Variants in NKAIN2 observed in about 807,000 individuals in gnomAD.
The protein encoded by NKAIN2 is sodium/potassium-transporting ATPase subunit beta-1-interacting protein 2.
NKAIN2 carries 14 observed loss-of-function variants against 32.6 expected under a neutral mutation model. That is an observed-to-expected ratio of 0.43 (90% CI 0.28 to 0.67). The LOEUF is 0.67. Among genes scored for constraint, NKAIN2 ranks in the 30% least tolerant of loss-of-function variants. The pLI is 0.17. For missense variants in NKAIN2, 198 were observed against 258.3 expected (o/e 0.77, Z 1.60); for synonymous variants, 80 against 87.2 (o/e 0.92, Z 0.46).
Position 124,475,578 on chromosome 6 carries a change from A to C in NKAIN2, c.273+120231A>C, listed in dbSNP as rs369894951. Among the ~76,000 whole-genome samples, 15 of 152,276 alleles carry C rather than the reference A, an allele frequency of 9.9e-5. No homozygotes were observed. In the East Asian group the frequency reaches 2.9e-3, roughly 29 times the overall value. On this transcript the variant is annotated intron_variant, in intron 3 of 6. Coordinates refer to ENST00000368417, the MANE Select transcript of NKAIN2 (RefSeq NM_001040214.3). ...AAAAATTGTTCAAGAAGGATTGAAA[A>C]CTTAACTGCCATTAGATAAGAAAGT...
At chr6:124,377,463 A>G (rs1800042647) in intron 3 of NKAIN2, among the ~76,000 whole-genome samples, 1 of 152,204 alleles carries the variant, frequency 6.6e-6, no homozygotes, top group Non-Finnish European at 1.5e-5. Context: ...CCAGATGGAC[A>G]TAGCACTGGG....
chr6:124,352,127 T>C (rs1331531645), intron 2 of NKAIN2, among the ~76,000 whole-genome samples: 3 of 152,184 alleles, frequency 2.0e-5, no homozygotes. Context: ...CACTTGAAGA[T>C]AGTCAAAGAG....
At chr6:124,184,955 C>T (rs963590917) in intron 1 of NKAIN2, among the ~76,000 whole-genome samples, 1 of 151,966 alleles carries the variant, frequency 6.6e-6, no homozygotes, top group African/African-American at 2.4e-5. Context: ...CTATTTCTAT[C>T]ATTAGTTGGA....
chr6:124,120,363 T>A (rs1257661792), intron 1 of NKAIN2, among the ~76,000 whole-genome samples: 1 of 152,138 alleles, frequency 6.6e-6, no homozygotes, highest in Non-Finnish European at 1.5e-5. Flanking sequence ...TACCTGATAA[T>A]TGAACCTACT....
At chr6:124,259,033 C>A (rs1017862014) in intron 1 of NKAIN2, among the ~76,000 whole-genome samples, 1 of 152,124 alleles carries the variant, frequency 6.6e-6, no homozygotes, top group African/African-American at 2.4e-5. Flanking sequence ...GTTTCCTGAG[C>A]CCATCTATAT....
At chr6:124,097,401 TAAAAAA>T (rs35090835) in intron 1 of NKAIN2, among the ~76,000 whole-genome samples, 1 of 132,462 alleles carries the variant, frequency 7.5e-6, no homozygotes. Flanking sequence ...GACTTCGTCT[TAAAAAA>T]AAAAAAAAAA....
chr6:124,743,831 G>T (rs1777335285), intron 4 of NKAIN2, among the ~76,000 whole-genome samples: 1 of 151,832 alleles, frequency 6.6e-6, no homozygotes, highest in Admixed American at 6.6e-5. Context: ...ACTCAAGTTT[G>T]CCAGAGAAAA....
At chr6:124,207,650 A>C (rs1411777103) in intron 1 of NKAIN2, among the ~76,000 whole-genome samples, 1 of 151,864 alleles carries the variant, frequency 6.6e-6, no homozygotes, top group African/African-American at 2.4e-5. Flanking sequence ...AAGAATGAGT[A>C]AATGAACTTT....
chr6:124,308,865 TAA>T (rs1389460314), intron 2 of NKAIN2, among the ~76,000 whole-genome samples: 2 of 152,160 alleles, frequency 1.3e-5, no homozygotes, highest in East Asian at 3.8e-4. Flanking sequence ...AAGGATCCAC[TAA>T]AGTTTTCCTT....
chr6:124,479,166 A>G (rs1777348566), intron 3 of NKAIN2, among the ~76,000 whole-genome samples: 1 of 152,166 alleles, frequency 6.6e-6, no homozygotes, highest in African/African-American at 2.4e-5. Flanking sequence ...GCCTGGGGAG[A>G]TAGGACAACT....
intron 4 of NKAIN2, among the ~76,000 whole-genome samples, chr6:124,754,385 C>T (rs1034846154): frequency 1.5e-4 from 23 of 151,902 alleles, no homozygotes; most frequent in African/African-American, 4.8e-4. Flanking sequence ...ATCTGCTGGT[C>T]GTTGAGTAAA....
At chr6:124,713,737 A>C (rs1260493214) in intron 4 of NKAIN2, among the ~76,000 whole-genome samples, 5 of 152,238 alleles carry the variant, frequency 3.3e-5, no homozygotes, top group Non-Finnish European at 5.9e-5. Flanking sequence ...TTTACTCTCT[A>C]TAACTCTAGA....
At chr6:124,125,898 TCA>T (rs1786140548) in intron 1 of NKAIN2, among the ~76,000 whole-genome samples, 2 of 152,302 alleles carry the variant, frequency 1.3e-5, no homozygotes, top group East Asian at 3.9e-4. Flanking sequence ...AAGCCACTTG[TCA>T]TCCTTCCTTT....
At chr6:124,302,941 T>A (rs1278946783) in intron 2 of NKAIN2, among the ~76,000 whole-genome samples, 1 of 152,170 alleles carries the variant, frequency 6.6e-6, no homozygotes, top group Non-Finnish European at 1.5e-5. Flanking sequence ...TTAGAAGACT[T>A]CCCAGGCTTC....
At chr6:124,790,534 C>A (rs1280212821) in intron 4 of NKAIN2, among the ~76,000 whole-genome samples, 7 of 151,540 alleles carry the variant, frequency 4.6e-5, no homozygotes, top group African/African-American at 1.7e-4. Context: ...GATCAATTTG[C>A]AAAAAAAGAA....
chr6:124,561,878 T>A (rs147049736), intron 3 of NKAIN2, among the ~76,000 whole-genome samples: 1 of 152,344 alleles, frequency 6.6e-6, no homozygotes, highest in African/African-American at 2.4e-5. Flanking sequence ...AGTCAACAAA[T>A]GCATGGCCAT....
intron 3 of NKAIN2, among the ~76,000 whole-genome samples, chr6:124,488,553 T>C (rs911687460): frequency 6.6e-6 from 1 of 152,034 alleles, no homozygotes; most frequent in Non-Finnish European, 1.5e-5. Flanking sequence ...TAACTTATCA[T>C]TTAACACATC....
chr6:123,975,628 G>A (rs368413555), intron 1 of NKAIN2, among the ~76,000 whole-genome samples: 3 of 152,066 alleles, frequency 2.0e-5, no homozygotes, highest in African/African-American at 7.2e-5. Flanking sequence ...CAAGATCAAG[G>A]CAATCGTAGA....
chr6:124,051,572 C>T (rs1030201819), intron 1 of NKAIN2, among the ~76,000 whole-genome samples: 5 of 152,010 alleles, frequency 3.3e-5, no homozygotes, highest in East Asian at 3.9e-4. Flanking sequence ...TATCCCTCCC[C>T]GCTCCCCCGA....
Sources: allele counts gnomAD v4.1 joint callset (sites outside exome capture counted in the v4.1 genomes callset), GRCh38; gene constraint gnomAD v4.1.1; transcripts MANE v1.5; gene names NCBI Gene and HGNC (gene_info 2026-07-23, HGNC 2026-07-21).